Variants in RAF1 observed in about 807,000 individuals in gnomAD.
RAF1 encodes Raf-1 proto-oncogene, serine/threonine kinase.
In RAF1, 27 loss-of-function variants were observed where a neutral mutation model predicts 81.1. That is an observed-to-expected ratio of 0.33 (90% CI 0.25 to 0.46). The LOEUF (loss-of-function observed/expected upper bound fraction) is 0.46. RAF1 is among the 20% of genes least tolerant of loss of function. The pLI is 1.00. For synonymous variants in RAF1, 298 were observed against 294.0 expected (o/e 1.01, Z -0.14); for missense variants, 598 against 826.0 (o/e 0.72, Z 3.38).
At chr3:12,596,268 C>T (rs1463322812) in intron 11 of RAF1, among the ~76,000 whole-genome samples, 3 of 150,154 alleles carry the variant, frequency 2.0e-5, no homozygotes, top group Non-Finnish European at 4.4e-5. Context: ...GATCTTGGCT[C>T]ACTGCAACCT....
intron 2 of RAF1, 71 bp downstream of exon 2, chr3:12,618,444 T>G: frequency 1.3e-6 from 2 of 1,530,074 alleles, no homozygotes; most frequent in Non-Finnish European, 1.8e-6. Flanking sequence ...TGTCTTTAAG[T>G]TGAACATGAT....
intron 3 of RAF1, among the ~76,000 whole-genome samples, chr3:12,611,196 C>CA (rs1216229538): frequency 1.3e-5 from 2 of 151,922 alleles, no homozygotes; most frequent in Non-Finnish European, 2.9e-5. Flanking sequence ...CAATACCTAA[C>CA]ATGTGTTTGT....
intron 8 of RAF1, among the ~76,000 whole-genome samples, chr3:12,601,554 T>G (rs538392432): frequency 8.4e-4 from 128 of 152,264 alleles, no homozygotes; most frequent in Middle Eastern, 6.8e-3. Flanking sequence ...GGACATTTTT[T>G]GGGGGGAAGT....
rs185226775 is a variant in RAF1, at chr3:12,655,546, C to A, written c.-27+8267G>T. On this transcript the variant is annotated intron_variant, in intron 1 of 17. Transcript: ENST00000442415. ...CCTCAAAAAGTAAACACAGAATTAC[C>A]ATATGATCCAGTAATTCTACTCCTG... 1.6e-3 allele frequency among the ~76,000 whole-genome samples: 245 copies of A among 152,234 alleles called. 4 individuals carry two copies. Among genetic ancestry groups the A allele is most frequent in the Admixed American group, 0.013 (196 of 15,286 alleles).
intron 1 of RAF1, among the ~76,000 whole-genome samples, chr3:12,651,084 A>T (rs2060509093): frequency 1.3e-5 from 2 of 152,218 alleles, no homozygotes; most frequent in South Asian, 4.1e-4. Context: ...TTAAATATTC[A>T]CAATTAATGT....
chr3:12,643,473 G>T (rs564038751), intron 1 of RAF1, among the ~76,000 whole-genome samples: 56 of 152,146 alleles, frequency 3.7e-4, no homozygotes, highest in Non-Finnish European at 7.2e-4. Context: ...GGGTGCAGTG[G>T]CTCACACCTG....
rs2059455207 is a variant in RAF1 at position 12,618,739 on chromosome 3, T to C, written c.-18A>G. 1 of 1,612,268 alleles carries C rather than the reference T, an allele frequency of 6.2e-7. No individual in the cohort carries two copies. Among genetic ancestry groups the C allele is most frequent in the Non-Finnish European group, 8.5e-7 (1 of 1,178,596 alleles). ...TGCTCCATTGATGCAGCTTAAACAATTCTTAAACCTGGTAAGAAACACAAA... is the reference window on the plus strand; with the variant it reads ...TGCTCCATTGATGCAGCTTAAACAACTCTTAAACCTGGTAAGAAACACAAA... On this transcript the variant is annotated 5_prime_UTR_variant, in exon 2 of 18. Coordinates refer to ENST00000442415, the MANE Select transcript of RAF1 (RefSeq NM_001354689.3).
intron 1 of RAF1, among the ~76,000 whole-genome samples, chr3:12,648,597 A>G (rs980062642): frequency 6.6e-6 from 1 of 152,150 alleles, no homozygotes; most frequent in African/African-American, 2.4e-5. Context: ...GTAACCATCT[A>G]TATTAGCCGG....
intron 1 of RAF1, among the ~76,000 whole-genome samples, chr3:12,645,097 C>CAAAAAAAAAAAAAAAAAAAAAAAAA (rs11401342): frequency 3.1e-5 from 2 of 65,058 alleles, no homozygotes; most frequent in Non-Finnish European, 6.6e-5. Flanking sequence ...GACTCAGTCT[C>CAAAAAAAAAAAAAAAAAAAAAAAAA]AAAAAAAAAA....
At chr3:12,651,261 G>A (rs2060514898) in intron 1 of RAF1, among the ~76,000 whole-genome samples, 1 of 151,982 alleles carries the variant, frequency 6.6e-6, no homozygotes, top group African/African-American at 2.4e-5. Context: ...ATTCTTCAGT[G>A]TTTCCCTACA....
chr3:12,662,394 TA>T (rs571784559), intron 1 of RAF1, among the ~76,000 whole-genome samples: 33 of 85,832 alleles, frequency 3.8e-4, no homozygotes, highest in African/African-American at 1.4e-3. Context: ...TCTGAAAAAA[TA>T]AAAAAAAATT....
At chr3:12,659,935 T>A (rs1223297892) in intron 1 of RAF1, among the ~76,000 whole-genome samples, 1 of 152,204 alleles carries the variant, frequency 6.6e-6, no homozygotes, top group Non-Finnish European at 1.5e-5. Flanking sequence ...AGTAGGTTAC[T>A]AACAAAGATT....
Position 12,584,660 on chromosome 3 carries a change from G to A in RAF1, c.1864-3C>T. 6.2e-7 allele frequency: 1 copy of A among 1,614,140 alleles called. No homozygotes were observed. The highest frequency in any genetic ancestry group is 8.5e-7 in the Non-Finnish European group (1 of 1,180,006). ...AGCAGCTCAATGGAAGACAGGATCT[G>A]AAACAAAGCCCAAGAATGCTCTCAT... On this transcript the variant is annotated splice_polypyrimidine_tract_variant and splice_region_variant and intron_variant, in intron 17 of 17. Coordinates refer to ENST00000442415, the MANE Select transcript of RAF1 (RefSeq NM_001354689.3).
chr3:12,603,013 G>C (rs1294303025), intron 8 of RAF1, among the ~76,000 whole-genome samples: 1 of 151,944 alleles, frequency 6.6e-6, no homozygotes, highest in Non-Finnish European at 1.5e-5. Flanking sequence ...GGTTGGAATT[G>C]ATTTAAAAAA....
At chr3:12,640,903 C>T (rs1012324076) in intron 1 of RAF1, among the ~76,000 whole-genome samples, 3 of 152,142 alleles carry the variant, frequency 2.0e-5, no homozygotes, top group Admixed American at 1.3e-4. Context: ...GCTATAAAGA[C>T]ACATGCACAC....
intron 1 of RAF1, among the ~76,000 whole-genome samples, chr3:12,642,705 C>T (rs911887236): frequency 2.0e-5 from 3 of 149,500 alleles, no homozygotes; most frequent in Non-Finnish European, 3.0e-5. Flanking sequence ...CACACACACA[C>T]ACACACACAC....
intron 1 of RAF1, among the ~76,000 whole-genome samples, chr3:12,628,761 G>C (rs867260593): frequency 0.011 from 1,526 of 137,636 alleles, 43 homozygotes; most frequent in African/African-American, 0.038. Flanking sequence ...TGGGGGGGGG[G>C]GGTGGCGGGG....
intron 1 of RAF1, among the ~76,000 whole-genome samples, chr3:12,661,067 C>T (rs2060861939): frequency 6.6e-6 from 1 of 152,140 alleles, no homozygotes; most frequent in Non-Finnish European, 1.5e-5. Context: ...CAGCTTAGCC[C>T]TTGAGTGATA....
chr3:12,619,848 CGA>C (rs1195360321), intron 1 of RAF1, among the ~76,000 whole-genome samples: 3 of 151,910 alleles, frequency 2.0e-5, no homozygotes, highest in African/African-American at 7.3e-5. Flanking sequence ...TTTGGGAGGC[CGA>C]GATGGGCGGA....
Sources: allele counts gnomAD v4.1 joint callset (sites outside exome capture counted in the v4.1 genomes callset), GRCh38; gene constraint gnomAD v4.1.1; transcripts MANE v1.5; gene names NCBI Gene and HGNC (gene_info 2026-07-23, HGNC 2026-07-21).